ATXN2: variants seen among roughly 807,000 people sequenced by gnomAD.
ATXN2 encodes ataxin 2.
ATXN2 carries 37 observed loss-of-function variants against 138.6 expected under a neutral mutation model. The ratio of observed to expected loss-of-function variants is 0.27; its 90% CI spans 0.21 to 0.35. The LOEUF is 0.35. Among genes scored for constraint, ATXN2 ranks in the 10% least tolerant of loss-of-function variants. The probability of loss-of-function intolerance (pLI) is 1.00; values close to 1 mark genes in which losing one functional copy is unlikely to be tolerated. For missense variants in ATXN2, 1,216 were observed against 1,480.3 expected (o/e 0.82, Z 2.93); for synonymous variants, 549 against 543.7 (o/e 1.01, Z -0.13).
In ATXN2 at chr12:111,452,559, A is replaced by G; in HGVS notation, c.*253T>C. On this transcript the variant is annotated 3_prime_UTR_variant, in exon 25 of 25. Transcript: ENST00000673436. ...AATAACTTCCAGTTTCGGCAAGCAG[A>G]GCTGGGGTACCTGCGGGACTCTGAA... is the stretch of plus-strand genomic sequence containing the variant. 1 of 464,398 alleles carries G rather than the reference A, an allele frequency of 2.2e-6. No individual in the cohort carries two copies. The highest frequency in any genetic ancestry group is 3.8e-6 in the Non-Finnish European group (1 of 261,092). The allele number at this position is 464,398 out of a possible 1,614,324, so 28.8% of individuals were successfully genotyped here.
At chr12:111,545,969 A>C (rs1881779715) in intron 5 of ATXN2, among the ~76,000 whole-genome samples, 1 of 151,936 alleles carries the variant, frequency 6.6e-6, no homozygotes, top group African/African-American at 2.4e-5. Context: ...TCTGAAAAAA[A>C]AAAAAAAAAA....
In ATXN2 at chr12:111,516,477, CT is replaced by C; in HGVS notation, c.1166-115del. 1 of 989,144 alleles carries C rather than the reference CT, an allele frequency of 1.0e-6. No individual in the cohort carries two copies. Among genetic ancestry groups the C allele is most frequent in the Non-Finnish European group, 1.5e-6 (1 of 678,952 alleles). The allele number at this position is 989,144 out of a possible 1,614,324, so 61.3% of individuals were successfully genotyped here. A position where few individuals can be genotyped will look rare whatever the true frequency, so the allele number is the denominator to read the frequency against. On this transcript the variant is annotated intron_variant, in intron 9 of 24. Coordinates refer to ENST00000673436, the MANE Select transcript of ATXN2 (RefSeq NM_001372574.1). The surrounding 1 kb of genome is among the most constrained non-coding windows in gnomAD (Gnocchi z 5.0). ...AAATGATTTCTTGTACATTTTAACC[CT>C]TTGAGGACAGTCATTTGATTTGTGA...
chr12:111,557,741 C>T (rs867491485), intron 1 of ATXN2, among the ~76,000 whole-genome samples: 1 of 152,148 alleles, frequency 6.6e-6, no homozygotes, highest in Non-Finnish European at 1.5e-5. Flanking sequence ...TAAACTACCT[C>T]GCCTAACAAA....
Position 111,585,183 on chromosome 12 carries a change from C to T in ATXN2, c.251+13601G>A, listed in dbSNP as rs1832230057. Among the ~76,000 whole-genome samples the T allele has an allele frequency of 2.0e-5, 3 of 152,058 alleles. No individual in the cohort carries two copies. In the South Asian group the frequency reaches 6.2e-4, roughly 32 times the overall value. On this transcript the variant is annotated intron_variant, in intron 1 of 24. Coordinates refer to ENST00000673436, the MANE Select transcript of ATXN2 (RefSeq NM_001372574.1). ...ACACTGTGCTATAAAACAGTAATGC[C>T]CTTAGGGCCTAAGATATACAGCTAT... is the stretch of plus-strand genomic sequence containing the variant.
At chr12:111,578,597 T>C (rs1233588174) in intron 1 of ATXN2, among the ~76,000 whole-genome samples, 1 of 152,148 alleles carries the variant, frequency 6.6e-6, no homozygotes, top group African/African-American at 2.4e-5. Context: ...ATTTGTACAA[T>C]GATAAGATCA....
In ATXN2 at chr12:111,515,218, G is replaced by A. The variant is rs368433615; in HGVS notation, c.1375+936C>T. ...CAATACAGTTTTCTCCAGGGAAGCA[G>A]GAGAAACACATTTTGTGCGGAAAAC... On this transcript the variant is annotated intron_variant, in intron 10 of 24. Coordinates refer to ENST00000673436, the MANE Select transcript of ATXN2 (RefSeq NM_001372574.1). Among the ~76,000 whole-genome samples the A allele has an allele frequency of 1.4e-4, 22 of 152,268 alleles. No homozygotes were observed. In the South Asian group the frequency reaches 3.5e-3, roughly 24 times the overall value.
intron 11 of ATXN2, chr12:111,511,552 C>T (rs886316692): frequency 1.3e-5 from 2 of 151,920 alleles, no homozygotes; most frequent in African/African-American, 4.8e-5. Context: ...CTACACCTCC[C>T]GGGTCCTGGT....
chr12:111,493,344 T>C (rs1393186841), intron 14 of ATXN2, among the ~76,000 whole-genome samples: 1 of 138,494 alleles, frequency 7.2e-6, no homozygotes, highest in Non-Finnish European at 1.5e-5. Flanking sequence ...CGCTTGAACC[T>C]GGGAGTTGGA....
chr12:111,452,911 C>G (rs1369534032), intron 24 of ATXN2, 71 bp from the exon 25 acceptor site: 6 of 1,400,180 alleles, frequency 4.3e-6, no homozygotes, highest in Non-Finnish European at 5.7e-6. Flanking sequence ...GTCTCTGCAG[C>G]ACATGATTGT....
At chr12:111,513,327 G>A (rs767471284) in intron 11 of ATXN2, 30 bp downstream of exon 11, 7 of 1,602,996 alleles carry the variant, frequency 4.4e-6, no homozygotes. Flanking sequence ...GACAAAATGA[G>A]TACCATCATT....
At chr12:111,595,961 G>A (rs1383930258) in intron 1 of ATXN2, among the ~76,000 whole-genome samples, 3 of 151,922 alleles carry the variant, frequency 2.0e-5, no homozygotes, top group Non-Finnish European at 4.4e-5. Context: ...ACTTTGGGAG[G>A]CCAAGGCAGG....
chr12:111,581,734 T>C, intron 1 of ATXN2: 1 of 643,514 alleles, frequency 1.6e-6, no homozygotes, highest in Non-Finnish European at 2.9e-6. Flanking sequence ...TTACGACCAT[T>C]CTGCTCAGCA....
intron 5 of ATXN2, among the ~76,000 whole-genome samples, chr12:111,534,141 A>G (rs2135758320): frequency 6.6e-6 from 1 of 152,016 alleles, no homozygotes; most frequent in East Asian, 1.9e-4. Context: ...TAAGTATTTC[A>G]GTGGTGGCTC....
At chr12:111,514,090 T>C (rs1879719325) in intron 10 of ATXN2, among the ~76,000 whole-genome samples, 1 of 152,202 alleles carries the variant, frequency 6.6e-6, no homozygotes, top group Admixed American at 6.5e-5. Flanking sequence ...TTTTAGTTTA[T>C]TTATCTCTTC....
intron 6 of ATXN2, among the ~76,000 whole-genome samples, chr12:111,524,351 T>G (rs1403555637): frequency 2.0e-5 from 3 of 152,224 alleles, no homozygotes; most frequent in East Asian, 3.8e-4. Flanking sequence ...CAATGGAAGA[T>G]TCTTCATTCT....
At chr12:111,587,308 AATT>A (rs1171390082) in intron 1 of ATXN2, among the ~76,000 whole-genome samples, 1 of 152,150 alleles carries the variant, frequency 6.6e-6, no homozygotes, top group Non-Finnish European at 1.5e-5. Flanking sequence ...CACTTAGAAA[AATT>A]ATTAAGAATA....
intron 20 of ATXN2, among the ~76,000 whole-genome samples, chr12:111,466,707 CTA>C (rs1258619320): frequency 1.3e-5 from 2 of 151,998 alleles, no homozygotes; most frequent in Non-Finnish European, 2.9e-5. Context: ...ATTAGTGGTC[CTA>C]TGTTTTCAAT....
intron 1 of ATXN2, among the ~76,000 whole-genome samples, chr12:111,562,511 G>A (rs9971887): frequency 0.1 from 15,399 of 151,700 alleles, 2,561 homozygotes; most frequent in African/African-American, 0.35. Flanking sequence ...ACCTGAGGTC[G>A]GGAGTTGGAG....
intron 20 of ATXN2, among the ~76,000 whole-genome samples, chr12:111,465,192 C>T (rs1022055156): frequency 6.6e-6 from 1 of 151,626 alleles, no homozygotes; most frequent in African/African-American, 2.4e-5. Context: ...AACATGTCTA[C>T]ATAAAGGGGT....
Sources: allele counts gnomAD v4.1 joint callset (sites outside exome capture counted in the v4.1 genomes callset), GRCh38; gene constraint gnomAD v4.1.1; non-coding constraint Gnocchi (gnomAD v3.1); transcripts MANE v1.5; gene names NCBI Gene and HGNC (gene_info 2026-07-23, HGNC 2026-07-21).